The following SGCZ variants were observed in gnomAD, a reference collection of about 807,000 sequenced individuals.
SGCZ encodes the protein sarcoglycan zeta.
Under a neutral mutation model 41.3 loss-of-function variants are expected in SGCZ, and 40 were observed. That is an observed-to-expected ratio of 0.97 (90% CI 0.75 to 1.26). The LOEUF (loss-of-function observed/expected upper bound fraction) is 1.26. Ranked by LOEUF, SGCZ falls within the 50% of genes most tolerant of loss-of-function variation. The pLI is 0.00. For missense variants in SGCZ, 552 were observed against 369.8 expected (o/e 1.49, Z -4.04); for synonymous variants, 206 against 137.5 (o/e 1.50, Z -3.49).
intron 1 of SGCZ, among the ~76,000 whole-genome samples, chr8:15,170,698 T>G (rs937354159): frequency 6.6e-6 from 1 of 152,228 alleles, no homozygotes; most frequent in Non-Finnish European, 1.5e-5. Flanking sequence ...TTATGCAGAA[T>G]AGTCGATGTA....
At chr8:14,760,119 AT>A in intron 1 of SGCZ, among the ~76,000 whole-genome samples, 1 of 152,322 alleles carries the variant, frequency 6.6e-6, no homozygotes, top group Non-Finnish European at 1.5e-5. Context: ...TTCCACAGTT[AT>A]GCGTTTCAAC....
chr8:15,225,812 A>T (rs1801751043), intron 1 of SGCZ, among the ~76,000 whole-genome samples: 1 of 152,208 alleles, frequency 6.6e-6, no homozygotes, highest in Admixed American at 6.5e-5. Context: ...CTGGAGAATC[A>T]TGAACAGGTC....
chr8:14,380,776 T>G (rs1013495251), intron 2 of SGCZ, among the ~76,000 whole-genome samples: 14 of 152,120 alleles, frequency 9.2e-5, no homozygotes, highest in Admixed American at 9.2e-4. Flanking sequence ...GGAGAATCAC[T>G]TGAACCCAGG....
intron 1 of SGCZ, among the ~76,000 whole-genome samples, chr8:15,125,832 T>C (rs766817983): frequency 1.4e-4 from 21 of 152,304 alleles, no homozygotes; most frequent in Non-Finnish European, 2.6e-4. Context: ...TTCATTTGAT[T>C]AAGCTTCAGC....
intron 3 of SGCZ, among the ~76,000 whole-genome samples, chr8:14,297,026 A>G (rs1032710269): frequency 6.6e-6 from 1 of 152,018 alleles, no homozygotes; most frequent in Non-Finnish European, 1.5e-5. Context: ...GGTTCAAACG[A>G]TTCTCCTGTC....
At chr8:14,850,913 G>T (rs143304310) in intron 1 of SGCZ, among the ~76,000 whole-genome samples, 11 of 152,106 alleles carry the variant, frequency 7.2e-5, no homozygotes, top group Non-Finnish European at 1.5e-4. Flanking sequence ...TAAGTTTCCT[G>T]ACACCTCTCC....
chr8:14,109,106 T>A (rs1158057393), intron 5 of SGCZ, among the ~76,000 whole-genome samples: 2 of 152,222 alleles, frequency 1.3e-5, no homozygotes, highest in African/African-American at 4.8e-5. Context: ...AGAGAACATG[T>A]CATGTTACTT....
chr8:14,093,548 C>A (rs1445620912), intron 7 of SGCZ, among the ~76,000 whole-genome samples: 2 of 152,030 alleles, frequency 1.3e-5, no homozygotes, highest in Non-Finnish European at 2.9e-5. Context: ...ACTATTTCCT[C>A]AAACCGAAAT....
intron 4 of SGCZ, among the ~76,000 whole-genome samples, chr8:14,206,753 G>A (rs537084432): frequency 6.6e-6 from 1 of 152,278 alleles, no homozygotes; most frequent in East Asian, 1.9e-4. Context: ...ATTACCTGCT[G>A]TTAGGAATGG....
At chr8:14,162,045 C>T (rs939421465) in intron 5 of SGCZ, among the ~76,000 whole-genome samples, 1 of 152,164 alleles carries the variant, frequency 6.6e-6, no homozygotes, top group African/African-American at 2.4e-5. Context: ...TCAGGAAGCA[C>T]TTTCTTGCCA....
intron 1 of SGCZ, among the ~76,000 whole-genome samples, chr8:14,906,022 T>C (rs1425094265): frequency 6.6e-6 from 1 of 152,206 alleles, no homozygotes; most frequent in Non-Finnish European, 1.5e-5. Flanking sequence ...ATATAAAGTA[T>C]ATCAAAAGCC....
intron 1 of SGCZ, among the ~76,000 whole-genome samples, chr8:14,582,165 T>A (rs1385009950): frequency 6.6e-6 from 1 of 152,126 alleles, no homozygotes; most frequent in Non-Finnish European, 1.5e-5. Flanking sequence ...TAAGAATATA[T>A]TATATATATG....
intron 1 of SGCZ, among the ~76,000 whole-genome samples, chr8:14,864,460 G>A (rs911035274): frequency 1.3e-5 from 2 of 152,116 alleles, no homozygotes; most frequent in Admixed American, 1.3e-4. Context: ...ATATCTATTA[G>A]CATATAACAT....
rs1807560491 is a variant in SGCZ at position 14,656,135 on chromosome 8, TTAAG to T, written c.40-101213_40-101210del. 2.6e-5 allele frequency among the ~76,000 whole-genome samples: 4 copies of T among 152,096 alleles called. No individual in the cohort carries two copies. In the South Asian group the frequency reaches 6.2e-4, roughly 24 times the overall value. Reference sequence around the variant, plus strand: ...AATTCCCAGGAGTGCAATTAATTTTTTAAGTAAGTATCAAACTGTTTATCCAAAG... The same window carrying T: ...AATTCCCAGGAGTGCAATTAATTTTTTAAGTATCAAACTGTTTATCCAAAG... On this transcript the variant is annotated intron_variant, in intron 1 of 7. Transcript: ENST00000382080.
chr8:14,353,951 T>C (rs972191582), intron 2 of SGCZ, among the ~76,000 whole-genome samples: 4 of 152,092 alleles, frequency 2.6e-5, no homozygotes, highest in African/African-American at 9.7e-5. Flanking sequence ...TTTGGAGAAG[T>C]CTAGCTTATT....
chr8:15,061,019 T>C (rs1804903843), intron 1 of SGCZ, among the ~76,000 whole-genome samples: 1 of 152,172 alleles, frequency 6.6e-6, no homozygotes, highest in Non-Finnish European at 1.5e-5. Context: ...CTTTCTGGGA[T>C]TTCTTCCACA....
chr8:14,164,911 A>T, intron 4 of SGCZ: 1 of 562,206 alleles, frequency 1.8e-6, no homozygotes, highest in Admixed American at 3.3e-5. Context: ...TTAGGCATAC[A>T]GGTGACCTCT....
At chr8:14,464,727 A>G (rs148349504) in intron 2 of SGCZ, among the ~76,000 whole-genome samples, 22 of 151,686 alleles carry the variant, frequency 1.5e-4, no homozygotes, top group African/African-American at 4.8e-4. Context: ...AAACATTTAT[A>G]ACTATAAATA....
chr8:14,670,692 T>G (rs1053896786), intron 1 of SGCZ, among the ~76,000 whole-genome samples: 1 of 152,190 alleles, frequency 6.6e-6, no homozygotes, highest in Non-Finnish European at 1.5e-5. Flanking sequence ...CTCTCAATGG[T>G]CCAAGTCCTA....
Sources: gnomAD v4.1 joint callset for allele counts (sites outside exome capture counted in the v4.1 genomes callset) on GRCh38, gnomAD v4.1.1 for gene constraint, MANE v1.5 for transcripts, NCBI Gene and HGNC (gene_info 2026-07-23, HGNC 2026-07-21) for gene names.